AOAH: variants seen among roughly 807,000 people sequenced by gnomAD.
The protein encoded by AOAH is acyloxyacyl hydrolase (neutrophil).
AOAH carries 64 observed loss-of-function variants against 92.2 expected under a neutral mutation model. The ratio of observed to expected loss-of-function variants is 0.69; its 90% confidence interval spans 0.57 to 0.86. AOAH has a LOEUF of 0.86. Ranked by LOEUF, AOAH falls within the 40% of genes least tolerant of loss-of-function variation. AOAH has a pLI of 0.00. For synonymous variants in AOAH, 263 were observed against 254.5 expected (o/e 1.03, Z -0.32); for missense variants, 656 against 694.6 (o/e 0.94, Z 0.62).
At chr7:36,700,248 A>G (rs752192837) in intron 1 of AOAH, among the ~76,000 whole-genome samples, 7 of 152,058 alleles carry the variant, frequency 4.6e-5, no homozygotes, top group African/African-American at 7.2e-5. Context: ...GTGTAGTGGT[A>G]AAGTCTGGGC....
chr7:36,616,455 G>A lies in AOAH; in HGVS notation c.771C>T (p.Ile257=), dbSNP rs201338577. Residue 257 remains isoleucine, a synonymous_variant, in exon 11 of 21, where the codon ATC becomes ATT. Coordinates refer to ENST00000617537, the MANE Select transcript of AOAH (RefSeq NM_001637.4). ...KFCEGSQPRG[I]ILLGDSAGAH... Reference sequence around the variant, plus strand: ...CCCCAGCTGAGTCTCCCAGCAAAATGATTCCCCTGGGCTGTGAACCTAGGC... The same window carrying A: ...CCCCAGCTGAGTCTCCCAGCAAAATAATTCCCCTGGGCTGTGAACCTAGGC... 6 of 1,613,950 alleles carry A rather than the reference G, an allele frequency of 3.7e-6. No homozygotes were observed. Among genetic ancestry groups the A allele is most frequent in the Non-Finnish European group, 5.1e-6 (6 of 1,179,934 alleles).
intron 13 of AOAH, among the ~76,000 whole-genome samples, chr7:36,568,695 G>A (rs1260760292): frequency 7.9e-5 from 12 of 152,126 alleles, no homozygotes; most frequent in Admixed American, 5.9e-4. Context: ...ATCCCCTTCA[G>A]AAACTCTTTC....
chr7:36,523,411 T>A (rs1784212167), intron 19 of AOAH, among the ~76,000 whole-genome samples: 1 of 152,202 alleles, frequency 6.6e-6, no homozygotes, highest in African/African-American at 2.4e-5. Context: ...AGCACTTCTA[T>A]CTGAAGGAAT....
At chr7:36,522,651 C>T (rs1030393687) in intron 19 of AOAH, among the ~76,000 whole-genome samples, 1 of 152,186 alleles carries the variant, frequency 6.6e-6, no homozygotes, top group Admixed American at 6.5e-5. Flanking sequence ...TGATGAAAAG[C>T]AATGAAACTG....
intron 1 of AOAH, among the ~76,000 whole-genome samples, chr7:36,708,581 A>G (rs1456500227): frequency 6.6e-6 from 1 of 151,928 alleles, no homozygotes; most frequent in East Asian, 1.9e-4. Flanking sequence ...ATAAGTATGG[A>G]TCTCGATTTT....
In AOAH at chr7:36,576,582, G is replaced by C; in HGVS notation, c.1013C>G (p.Ser338Ter). 1 of 1,558,638 alleles carries C rather than the reference G, an allele frequency of 6.4e-7. No individual in the cohort carries two copies. The highest frequency in any genetic ancestry group is 8.7e-7 in the Non-Finnish European group (1 of 1,143,836). ...HCNHRDYQNISRNGASSRNLK... is the reference protein window; with the variant it reads ...HCNHRDYQNI Reference sequence around the variant, plus strand: ...AATGGAAAGTTACGTACCATTTCTTGAAATATTCTGGTAGTCCCTGTGATT... The same window carrying C: ...AATGGAAAGTTACGTACCATTTCTTCAAATATTCTGGTAGTCCCTGTGATT... The change falls in exon 13 of 21, where the codon TCA (serine) becomes TGA (stop). Residue 338 changes from serine (S) to a stop codon, truncating the protein, a stop_gained. Coordinates refer to ENST00000617537, the MANE Select transcript of AOAH (RefSeq NM_001637.4). LOFTEE classifies it high-confidence loss of function.
intron 3 of AOAH, among the ~76,000 whole-genome samples, chr7:36,660,668 G>A (rs571720282): frequency 6.6e-6 from 1 of 152,242 alleles, no homozygotes. Flanking sequence ...TGACTTGTTT[G>A]TTTCCCTGGG....
chr7:36,543,931 T>TTTTCTTTC (rs140403418), intron 15 of AOAH, among the ~76,000 whole-genome samples: 16 of 118,920 alleles, frequency 1.3e-4, no homozygotes, highest in African/African-American at 3.9e-4. Flanking sequence ...TCTTTTTCTT[T>TTTTCTTTC]TTTCTTTCTT....
chr7:36,556,524 A>G (rs1246285744), intron 13 of AOAH, among the ~76,000 whole-genome samples: 1 of 151,538 alleles, frequency 6.6e-6, no homozygotes, highest in Non-Finnish European at 1.5e-5. Context: ...GCTGAGTTCA[A>G]TTCCTGGGTA....
rs143194702 is a variant in AOAH at position 36,630,441 on chromosome 7, G to T, written c.521+1595C>A. Among the ~76,000 whole-genome samples the T allele has an allele frequency of 3.6e-4, 55 of 152,264 alleles. No individual in the cohort carries two copies. The East Asian group carries it at 8.5e-3, about 24-fold the overall frequency. The stretch of plus-strand genomic sequence containing the variant: ...TGGTGTGGTTAAATAAATATCTCAC[G>T]GCTAAAGAACATTATTCTGAGTCAT... On this transcript the variant is annotated intron_variant, in intron 6 of 20. Transcript: ENST00000617537.
intron 1 of AOAH, among the ~76,000 whole-genome samples, chr7:36,715,397 G>T (rs1020330271): frequency 3.3e-5 from 5 of 152,046 alleles, no homozygotes; most frequent in African/African-American, 1.2e-4. Context: ...TGACCATACT[G>T]CCCAAGGTAA....
At chr7:36,658,389 T>A (rs1300341492) in intron 4 of AOAH, among the ~76,000 whole-genome samples, 1 of 152,068 alleles carries the variant, frequency 6.6e-6, no homozygotes, top group Admixed American at 6.5e-5. Context: ...AGGCAAAGAA[T>A]TTTTTTTCAC....
At chr7:36,718,512 A>G (rs1442276155) in intron 1 of AOAH, among the ~76,000 whole-genome samples, 1 of 152,258 alleles carries the variant, frequency 6.6e-6, no homozygotes, top group Non-Finnish European at 1.5e-5. Context: ...ATGAATATTC[A>G]TAGCAGAATT....
At chr7:36,564,989 C>T (rs1174668609) in intron 13 of AOAH, among the ~76,000 whole-genome samples, 1 of 152,206 alleles carries the variant, frequency 6.6e-6, no homozygotes, top group East Asian at 1.9e-4. Context: ...ATAATAAATA[C>T]ATGAGTAATA....
chr7:36,567,892 C>T lies in AOAH; in HGVS notation c.1021+8682G>A, dbSNP rs1787824245. 3.9e-5 allele frequency among the ~76,000 whole-genome samples: 6 copies of T among 152,210 alleles called. No individual in the cohort carries two copies. The South Asian group carries it at 1.2e-3, about 31-fold the overall frequency. Reference sequence around the variant, plus strand: ...AGGCGGCATCTCTCCTTCTGCTAGACACTGTAGGGGAGGAAAAAGAATCCT... The same window carrying T: ...AGGCGGCATCTCTCCTTCTGCTAGATACTGTAGGGGAGGAAAAAGAATCCT... On this transcript the variant is annotated intron_variant, in intron 13 of 20. Coordinates refer to ENST00000617537, the MANE Select transcript of AOAH (RefSeq NM_001637.4).
At chr7:36,634,097 G>T (rs1248098117) in intron 5 of AOAH, among the ~76,000 whole-genome samples, 3 of 152,150 alleles carry the variant, frequency 2.0e-5, no homozygotes, top group African/African-American at 7.2e-5. Context: ...TTAGAAGGGT[G>T]ACTCCAGAGA....
chr7:36,623,544 C>A (rs929072833), intron 6 of AOAH, among the ~76,000 whole-genome samples: 7 of 152,184 alleles, frequency 4.6e-5, no homozygotes, highest in Admixed American at 3.3e-4. Context: ...TGTTGAGATT[C>A]CCAGGAAATA....
At chr7:36,701,901 T>C (rs1798057704) in intron 1 of AOAH, among the ~76,000 whole-genome samples, 1 of 152,084 alleles carries the variant, frequency 6.6e-6, no homozygotes, top group Non-Finnish European at 1.5e-5. Flanking sequence ...ACTATTTTAC[T>C]TCCTCTCATA....
intron 2 of AOAH, among the ~76,000 whole-genome samples, chr7:36,686,434 C>G (rs1280850571): frequency 2.0e-5 from 3 of 152,152 alleles, no homozygotes; most frequent in Admixed American, 1.3e-4. Context: ...ACACATCAAA[C>G]AACAATTGGC....
Sources: gnomAD v4.1 joint callset for allele counts (sites outside exome capture counted in the v4.1 genomes callset) on GRCh38, gnomAD v4.1.1 for gene constraint, MANE v1.5 for transcripts, NCBI Gene and HGNC (gene_info 2026-07-23, HGNC 2026-07-21) for gene names.